The following ME1 variants were observed in gnomAD, a reference collection of about 807,000 sequenced individuals.
ME1 encodes the protein NADP-dependent malic enzyme.
ME1 carries 74 observed loss-of-function variants against 66.4 expected under a neutral mutation model. The observed-to-expected ratio is 1.11, with a 90% CI of 0.92 to 1.35. ME1 has a LOEUF of 1.35. Ranked by LOEUF, ME1 falls within the 40% of genes most tolerant of loss-of-function variation. The pLI, the probability that ME1 is intolerant of heterozygous loss-of-function variation, is 0.00. For synonymous variants in ME1, 251 were observed against 235.6 expected (o/e 1.07, Z -0.60); for missense variants, 750 against 694.1 (o/e 1.08, Z -0.90).
chr6:83,254,592 C>T (rs1790771911), intron 6 of ME1, among the ~76,000 whole-genome samples: 1 of 152,164 alleles, frequency 6.6e-6, no homozygotes, highest in South Asian at 2.1e-4. Flanking sequence ...TCACTAAAAT[C>T]AATGGTAGAG....
At chr6:83,374,188 T>C (rs568386350) in intron 3 of ME1, among the ~76,000 whole-genome samples, 24 of 152,312 alleles carry the variant, frequency 1.6e-4, no homozygotes, top group African/African-American at 5.5e-4. Context: ...CTGTCTTCCA[T>C]AATGGTTGAA....
At chr6:83,307,570 C>A (rs961064880) in intron 6 of ME1, among the ~76,000 whole-genome samples, 2 of 152,046 alleles carry the variant, frequency 1.3e-5, no homozygotes, top group South Asian at 2.1e-4. Context: ...ATCTAAAGAG[C>A]CTCACAGACT....
At chr6:83,376,304 C>T (rs1769287680) in intron 3 of ME1, among the ~76,000 whole-genome samples, 1 of 152,048 alleles carries the variant, frequency 6.6e-6, no homozygotes, top group Non-Finnish European at 1.5e-5. Flanking sequence ...CAAGACCAGC[C>T]TGGGCAACAT....
intron 5 of ME1, among the ~76,000 whole-genome samples, chr6:83,320,158 C>T (rs1441679752): frequency 6.6e-6 from 1 of 152,178 alleles, no homozygotes; most frequent in East Asian, 1.9e-4. Context: ...GCCTTCCTAG[C>T]CATTCCAGTC....
chr6:83,426,017 T>C (rs186314923), intron 1 of ME1, among the ~76,000 whole-genome samples: 1 of 152,176 alleles, frequency 6.6e-6, no homozygotes, highest in Non-Finnish European at 1.5e-5. Flanking sequence ...AGTGGGTTCC[T>C]TTATAAAAGC....
At chr6:83,247,269 T>C (rs1446523473) in intron 7 of ME1, among the ~76,000 whole-genome samples, 2 of 152,076 alleles carry the variant, frequency 1.3e-5, no homozygotes, top group Non-Finnish European at 2.9e-5. Flanking sequence ...TGAAACCTTA[T>C]TTTTTTCAGT....
intron 6 of ME1, among the ~76,000 whole-genome samples, chr6:83,313,976 A>T (rs923986692): frequency 3.3e-5 from 5 of 152,158 alleles, no homozygotes; most frequent in East Asian, 1.9e-4. Flanking sequence ...ACTTCTTAAA[A>T]ATAAACATTA....
intron 6 of ME1, among the ~76,000 whole-genome samples, chr6:83,257,782 GA>G (rs1304977246): frequency 6.6e-6 from 1 of 152,164 alleles, no homozygotes; most frequent in Non-Finnish European, 1.5e-5. Context: ...CAATAATCAT[GA>G]GGTGCTTGTA....
At chr6:83,353,053 ACCTTCCATAGG>A (rs1486832684) in intron 3 of ME1, among the ~76,000 whole-genome samples, 2 of 152,120 alleles carry the variant, frequency 1.3e-5, no homozygotes, top group African/African-American at 4.8e-5. Context: ...CAAATCATAA[ACCTTCCATAGG>A]CACTATTGTT....
chr6:83,281,600 G>A (rs1767288791), intron 6 of ME1, among the ~76,000 whole-genome samples: 1 of 151,826 alleles, frequency 6.6e-6, no homozygotes, highest in Non-Finnish European at 1.5e-5. Flanking sequence ...GAGGTCGGGA[G>A]TTTGAGACCA....
intron 5 of ME1, among the ~76,000 whole-genome samples, chr6:83,317,302 A>G (rs1768054036): frequency 1.3e-5 from 2 of 152,224 alleles, no homozygotes; most frequent in Non-Finnish European, 2.9e-5. Flanking sequence ...GACAAAAGGA[A>G]CTGGTCTTCC....
intron 12 of ME1, among the ~76,000 whole-genome samples, chr6:83,219,207 G>C (rs888183455): frequency 6.6e-6 from 1 of 152,134 alleles, no homozygotes; most frequent in Admixed American, 6.5e-5. Context: ...AATTCTTGTT[G>C]TTCTGCAAAG....
At chr6:83,405,753 G>T (rs1319157155) in intron 2 of ME1, among the ~76,000 whole-genome samples, 2 of 136,364 alleles carry the variant, frequency 1.5e-5, no homozygotes, top group South Asian at 2.3e-4. Flanking sequence ...ACGGAGTCTC[G>T]CTCTGTCGCC....
At chr6:83,237,635 G>T in intron 9 of ME1, 82 bp downstream of exon 9, 1 of 657,868 alleles carries the variant, frequency 1.5e-6, no homozygotes. Flanking sequence ...AAAGGGAGGT[G>T]GTAGAAACAG....
chr6:83,265,591 G>A (rs181132892), intron 6 of ME1, among the ~76,000 whole-genome samples: 2 of 152,220 alleles, frequency 1.3e-5, no homozygotes, highest in East Asian at 1.9e-4. Flanking sequence ...ATGAGTCACC[G>A]GGCCTGGCCT....
chr6:83,285,693 T>C (rs1162436950), intron 6 of ME1, among the ~76,000 whole-genome samples: 2 of 152,162 alleles, frequency 1.3e-5, no homozygotes, highest in Non-Finnish European at 2.9e-5. Flanking sequence ...GCAAAGACCC[T>C]GAGGTGGGAG....
chr6:83,331,365 G>A (rs1238803667), intron 5 of ME1, among the ~76,000 whole-genome samples: 2 of 151,954 alleles, frequency 1.3e-5, no homozygotes, highest in African/African-American at 4.8e-5. Flanking sequence ...TGAGGCGGGT[G>A]GATCACGAGG....
intron 6 of ME1, among the ~76,000 whole-genome samples, chr6:83,262,025 AAAAAAG>A (rs1766909282): frequency 6.6e-6 from 1 of 151,660 alleles, no homozygotes; most frequent in South Asian, 2.1e-4. Flanking sequence ...AAAAAAAAAA[AAAAAAG>A]AAAAAAGAAA....
intron 5 of ME1, among the ~76,000 whole-genome samples, chr6:83,325,536 T>C (rs1343815468): frequency 1.3e-5 from 2 of 152,068 alleles, no homozygotes; most frequent in African/African-American, 4.8e-5. Flanking sequence ...GCAAAATCAA[T>C]ATACAAAAAT....
Sources: allele counts gnomAD v4.1 joint callset (sites outside exome capture counted in the v4.1 genomes callset), GRCh38; gene constraint gnomAD v4.1.1; transcripts MANE v1.5; gene names NCBI Gene and HGNC (gene_info 2026-07-23, HGNC 2026-07-21).